SPRY3: variants seen among roughly 807,000 people sequenced by gnomAD.
The protein encoded by SPRY3 is sprouty RTK signaling antagonist 3, also known as protein sprouty homolog 3.
A neutral mutation model predicts 20.2 loss-of-function variants in SPRY3; 15 were observed. The observed-to-expected ratio is 0.74, with a 90% CI of 0.50 to 1.14. The LOEUF (loss-of-function observed/expected upper bound fraction) is 1.14, where lower values mean the gene tolerates loss of function less well. SPRY3 is among the 50% of genes most tolerant of loss of function. The pLI is 0.00. For missense variants in SPRY3, 364 were observed against 363.9 expected (o/e 1.00, Z 0.00); for synonymous variants, 143 against 136.5 (o/e 1.05, Z -0.33).
chrX:155,720,231 G>A (rs2091048087), intron 2 of SPRY3, among the ~76,000 whole-genome samples: 1 of 152,164 alleles, frequency 6.6e-6, no homozygotes, highest in East Asian at 1.9e-4. Flanking sequence ...CGGGAGGGAA[G>A]AGTGGGAAGG....
At chrX:155,703,922 G>A (rs1226286191) in intron 2 of SPRY3, among the ~76,000 whole-genome samples, 1 of 151,876 alleles carries the variant, frequency 6.6e-6, no homozygotes, top group Non-Finnish European at 1.5e-5. Context: ...TTTGAAGCCT[G>A]TGGTGGTTCA....
intron 2 of SPRY3, among the ~76,000 whole-genome samples, chrX:155,708,567 AGTT>A (rs2090966479): frequency 6.6e-6 from 1 of 151,352 alleles, no homozygotes; most frequent in Non-Finnish European, 1.5e-5. Flanking sequence ...AAATTTGAGA[AGTT>A]GTTATTTTTG....
chrX:155,616,900 G>A (rs782142423), intron 1 of SPRY3, among the ~76,000 whole-genome samples: 24 of 110,446 alleles, frequency 2.2e-4, no homozygotes, highest in Non-Finnish European at 2.8e-4. Flanking sequence ...AAACCGTCCA[G>A]TAATATCCTA....
intron 1 of SPRY3, among the ~76,000 whole-genome samples, chrX:155,627,703 C>A (rs1435384884): frequency 1.8e-5 from 2 of 109,732 alleles, no homozygotes; most frequent in Non-Finnish European, 3.8e-5. Flanking sequence ...GCAGAACGTG[C>A]AGGTTTGTTA....
chrX:155,619,915 G>A (rs1047237447), intron 1 of SPRY3, among the ~76,000 whole-genome samples: 1 of 111,140 alleles, frequency 9.0e-6, no homozygotes, highest in Non-Finnish European at 1.9e-5. Flanking sequence ...ATGTACGAAT[G>A]GCCAATAAAC....
At chrX:155,708,422 T>C (rs1379442069) in intron 2 of SPRY3, among the ~76,000 whole-genome samples, 1 of 151,434 alleles carries the variant, frequency 6.6e-6, no homozygotes, top group Non-Finnish European at 1.5e-5. Flanking sequence ...AGTTATCTCC[T>C]GCTGCTTTCT....
At chrX:155,781,247 G>A (rs2091461542), downstream of SPRY3, 1 of 166,882 alleles carries the variant, frequency 6.0e-6, no homozygotes, top group South Asian at 2.1e-4. Flanking sequence ...TATATCAAAT[G>A]ACAAGGTTTC....
intron 2 of SPRY3, among the ~76,000 whole-genome samples, chrX:155,703,646 G>C (rs1208726749): frequency 7.3e-6 from 1 of 137,380 alleles, no homozygotes; most frequent in Non-Finnish European, 1.6e-5. Context: ...GTTATTTCTT[G>C]CCTTCTGCTA....
At chrX:155,773,230 C>G (rs187812660) in intron 3 of SPRY3, among the ~76,000 whole-genome samples, 1 of 149,836 alleles carries the variant, frequency 6.7e-6, no homozygotes, top group Admixed American at 6.7e-5. Flanking sequence ...CCTGTATTCA[C>G]TGAATCAAGT....
intron 1 of SPRY3, among the ~76,000 whole-genome samples, chrX:155,619,634 G>A (rs1557349241): frequency 1.8e-5 from 2 of 110,654 alleles, no homozygotes; most frequent in African/African-American, 3.3e-5. Context: ...CTTGTGTTAG[G>A]CAATTGTTTC....
chrX:155,622,683 TC>T (rs1265637418), intron 1 of SPRY3, among the ~76,000 whole-genome samples: 7 of 111,829 alleles, frequency 6.3e-5, no homozygotes, highest in Admixed American at 4.7e-4. Context: ...CCTGGAAGGT[TC>T]CCCCTCCAAG....
chrX:155,741,132 G>A (rs1296575403), intron 2 of SPRY3, among the ~76,000 whole-genome samples: 1 of 152,110 alleles, frequency 6.6e-6, no homozygotes, highest in East Asian at 1.9e-4. Context: ...TGATAACCAG[G>A]ATAGCCAGTT....
chrX:155,716,987 T>A (rs1219466117), intron 2 of SPRY3, among the ~76,000 whole-genome samples: 29 of 67,712 alleles, frequency 4.3e-4, no homozygotes, highest in South Asian at 8.0e-4. Context: ...ACAAAATATA[T>A]ATATATATAT....
chrX:155,725,232 T>A (rs1240062755), intron 2 of SPRY3, among the ~76,000 whole-genome samples: 1 of 152,220 alleles, frequency 6.6e-6, no homozygotes, highest in South Asian at 2.1e-4. Context: ...AGTATTTTAT[T>A]GAGGATTTTT....
intron 2 of SPRY3, among the ~76,000 whole-genome samples, chrX:155,720,221 C>T (rs1039400519): frequency 2.7e-4 from 41 of 152,090 alleles, no homozygotes; most frequent in Admixed American, 3.9e-4. Flanking sequence ...AATTTGGAAA[C>T]GGGAGGGAAG....
chrX:155,729,649 C>G (rs2091120727), intron 2 of SPRY3, among the ~76,000 whole-genome samples: 1 of 150,478 alleles, frequency 6.6e-6, no homozygotes, highest in Non-Finnish European at 1.5e-5. Context: ...ATGCCTCTTA[C>G]AGAACTAGAA....
At chrX:155,678,064 G>T (rs1186143490) in intron 2 of SPRY3, among the ~76,000 whole-genome samples, 3 of 111,236 alleles carry the variant, frequency 2.7e-5, no homozygotes, top group Middle Eastern at 4.2e-3. Flanking sequence ...ACACAAGCTT[G>T]TGCAGGTTTG....
chrX:155,749,382 C>CAG (rs1444152348), intron 2 of SPRY3, among the ~76,000 whole-genome samples: 1 of 151,330 alleles, frequency 6.6e-6, no homozygotes, highest in East Asian at 1.9e-4. Context: ...CAGCAAGTGA[C>CAG]AGGGGTGTGT....
chrX:155,662,240 T>G (rs1277532892), intron 2 of SPRY3, among the ~76,000 whole-genome samples: 5 of 111,117 alleles, frequency 4.5e-5, no homozygotes, highest in African/African-American at 1.6e-4. Flanking sequence ...AGTGTGTGAC[T>G]GTAGTGTATG....
Sources: gnomAD v4.1 joint callset for allele counts (sites outside exome capture counted in the v4.1 genomes callset) on GRCh38, gnomAD v4.1.1 for gene constraint, MANE v1.5 for transcripts, NCBI Gene and HGNC (gene_info 2026-07-23, HGNC 2026-07-21) for gene names.